ACO2: variants seen among roughly 807,000 people sequenced by gnomAD.
The protein encoded by ACO2 is aconitase 2.
Under a neutral mutation model 84.5 loss-of-function variants are expected in ACO2, and 31 were observed. That is an observed-to-expected ratio of 0.37 (90% CI 0.28 to 0.50). The LOEUF (loss-of-function observed/expected upper bound fraction) is 0.50. ACO2 is among the 20% of genes least tolerant of loss of function. ACO2 has a pLI of 0.97. For synonymous variants in ACO2, 414 were observed against 412.7 expected, an observed-to-expected ratio of 1.00 and a Z score of -0.04; for missense variants, 685 against 1,029.3, an observed-to-expected ratio of 0.67 and a Z score of 4.58.
chr22:41,488,736 A>G (rs2066251298), intron 1 of ACO2, among the ~76,000 whole-genome samples: 1 of 152,170 alleles, frequency 6.6e-6, no homozygotes, highest in Non-Finnish European at 1.5e-5. Context: ...TGATACAGAT[A>G]AATCCATTCT....
intron 12 of ACO2, 104 bp from the exon 13 acceptor site, chr22:41,524,742 A>T (rs1326547587): frequency 1.2e-5 from 18 of 1,558,292 alleles, no homozygotes; most frequent in Non-Finnish European, 1.4e-5. Context: ...AGAACATGGA[A>T]ATTTCCTGGG....
At chr22:41,494,898 T>G (rs951931102) in intron 1 of ACO2, among the ~76,000 whole-genome samples, 8 of 151,178 alleles carry the variant, frequency 5.3e-5, no homozygotes, top group African/African-American at 2.0e-4. Flanking sequence ...CACACCCTGC[T>G]AATTTTTGTA....
intron 17 of ACO2, 165 bp downstream of exon 17, chr22:41,528,187 G>A: frequency 1.8e-6 from 2 of 1,136,714 alleles, no homozygotes; most frequent in Non-Finnish European, 2.5e-6. Flanking sequence ...GCTTCTCAGA[G>A]TTGGGGGTTG....
chr22:41,516,171 C>T (rs943054809), intron 6 of ACO2: 13 of 617,076 alleles, frequency 2.1e-5, no homozygotes, highest in Admixed American at 8.4e-5. Context: ...TGGCCACACA[C>T]GGTTAGGAGC....
chr22:41,484,294 C>T (rs182440208), intron 1 of ACO2, among the ~76,000 whole-genome samples: 164 of 152,210 alleles, frequency 1.1e-3, no homozygotes, highest in African/African-American at 3.8e-3. Context: ...ACAATGGATT[C>T]CATGGTACCA....
intron 4 of ACO2, among the ~76,000 whole-genome samples, chr22:41,514,793 G>A (rs1170550606): frequency 2.0e-5 from 3 of 152,342 alleles, no homozygotes; most frequent in East Asian, 3.9e-4. Context: ...GTGGCATCGC[G>A]CCTTGAGCAA....
rs1568996656 is a variant in ACO2, at chr22:41,469,155, C to G, written c.9C>G (p.Pro3=). The G allele has an allele frequency of 1.2e-6, 2 of 1,609,824 alleles. No individual in the cohort carries two copies. Among genetic ancestry groups the G allele is most frequent in the Non-Finnish European group, 1.7e-6 (2 of 1,177,988 alleles). Residue 3 remains proline, a synonymous_variant, in exon 1 of 18, where the codon CCC becomes CCG. Transcript: ENST00000216254. Reference sequence around the variant, plus strand: ...CTTTGTCAGTGCACAAAATGGCGCCCTACAGCCTACTGGTGACTCGGCTGC... The same window carrying G: ...CTTTGTCAGTGCACAAAATGGCGCCGTACAGCCTACTGGTGACTCGGCTGC... MA[P]YSLLVTRLQK... is the part of the protein sequence containing the mutation.
At chr22:41,500,890 G>T (rs1041901232) in intron 2 of ACO2, among the ~76,000 whole-genome samples, 1 of 152,016 alleles carries the variant, frequency 6.6e-6, no homozygotes, top group Non-Finnish European at 1.5e-5. Flanking sequence ...TTTTTGTGGA[G>T]ATGGGGTTTC....
At chr22:41,510,473 TG>T (rs1272268838) in intron 3 of ACO2, among the ~76,000 whole-genome samples, 1 of 152,216 alleles carries the variant, frequency 6.6e-6, no homozygotes, top group East Asian at 1.9e-4. Context: ...GGGAACCCAG[TG>T]GGCCTTCAGA....
intron 1 of ACO2, among the ~76,000 whole-genome samples, chr22:41,476,741 C>A (rs945914466): frequency 2.6e-5 from 4 of 151,932 alleles, no homozygotes; most frequent in African/African-American, 9.7e-5. Flanking sequence ...AACAAAAAAA[C>A]ACACACACTG....
At chr22:41,474,904 A>G (rs1202942130) in intron 1 of ACO2, among the ~76,000 whole-genome samples, 1 of 151,878 alleles carries the variant, frequency 6.6e-6, no homozygotes, top group Non-Finnish European at 1.5e-5. Context: ...CGGCCTGCAC[A>G]GTACTTATAA....
intron 2 of ACO2, among the ~76,000 whole-genome samples, chr22:41,504,470 G>C (rs1056403327): frequency 6.6e-6 from 1 of 152,164 alleles, no homozygotes; most frequent in Non-Finnish European, 1.5e-5. Context: ...GCATTGCTGA[G>C]CTTTTTTATA....
intron 1 of ACO2, chr22:41,469,484 G>T: frequency 2.6e-6 from 1 of 387,296 alleles, no homozygotes; most frequent in South Asian, 4.9e-5. Context: ...GCCTGCTCCC[G>T]TGGGGTGTGT....
chr22:41,494,959 C>A (rs1463513601), intron 1 of ACO2, among the ~76,000 whole-genome samples: 1 of 152,102 alleles, frequency 6.6e-6, no homozygotes, highest in Non-Finnish European at 1.5e-5. Flanking sequence ...GTCTCGAACT[C>A]CTGACCTCAG....
intron 1 of ACO2, among the ~76,000 whole-genome samples, chr22:41,482,606 A>C (rs2038101917): frequency 6.6e-6 from 1 of 152,220 alleles, no homozygotes; most frequent in South Asian, 2.1e-4. Flanking sequence ...CTTAGGATGG[A>C]GAAGACATAA....
intron 1 of ACO2, among the ~76,000 whole-genome samples, chr22:41,491,187 C>T (rs1241771095): frequency 6.6e-6 from 1 of 151,894 alleles, no homozygotes; most frequent in African/African-American, 2.4e-5. Context: ...TCTGTAAAGA[C>T]CTGTGGCAGG....
chr22:41,527,811 G>A, intron 16 of ACO2, 90 bp from the exon 17 acceptor site: 1 of 1,595,310 alleles, frequency 6.3e-7, no homozygotes. Context: ...GCAGGATTAG[G>A]GGCATCTCCC....
chr22:41,517,691 G>A, intron 7 of ACO2, 60 bp downstream of exon 7: 1 of 1,450,432 alleles, frequency 6.9e-7, no homozygotes, highest in Non-Finnish European at 9.7e-7. Context: ...TCCTCCCCAA[G>A]ACAGAGCTAT....
chr22:41,510,777 G>A (rs1422306931), intron 3 of ACO2, among the ~76,000 whole-genome samples: 1 of 152,176 alleles, frequency 6.6e-6, no homozygotes, highest in South Asian at 2.1e-4. Flanking sequence ...GTCCCTCAAG[G>A]AAGCTTCCTT....
Sources: gnomAD v4.1 joint callset for allele counts (sites outside exome capture counted in the v4.1 genomes callset) on GRCh38, gnomAD v4.1.1 for gene constraint, MANE v1.5 for transcripts, NCBI Gene and HGNC (gene_info 2026-07-23, HGNC 2026-07-21) for gene names.